The following EPS8L1 variants were observed in gnomAD, a reference collection of about 807,000 sequenced individuals.
EPS8L1 encodes epidermal growth factor receptor kinase substrate 8-like protein 1.
A neutral mutation model predicts 91.7 loss-of-function variants in EPS8L1; 101 were observed. The ratio of observed to expected loss-of-function variants is 1.10; its 90% CI spans 0.94 to 1.30. The LOEUF is 1.30. Among genes scored for constraint, EPS8L1 ranks in the 50% most tolerant of loss-of-function variants. The pLI is 0.00. For synonymous variants in EPS8L1, 506 were observed against 445.3 expected (o/e 1.14, Z -1.72); for missense variants, 1,114 against 1,017.0 (o/e 1.10, Z -1.30).
intron 5 of EPS8L1, 124 bp from the exon 6 acceptor site, chr19:55,080,005 G>A: frequency 1.4e-6 from 2 of 1,434,934 alleles, no homozygotes; most frequent in South Asian, 1.4e-5. Context: ...CTATTAAACA[G>A]GGCTGTTATC....
rs746621757 is a variant in EPS8L1 at position 55,085,794 on chromosome 19, A to G, written c.1386-47A>G. 36 of 1,587,634 alleles carry G rather than the reference A, an allele frequency of 2.3e-5. No individual in the cohort carries two copies. The South Asian group carries it at 3.1e-4, about 14-fold the overall frequency. ...CACCAGCACCCTGCAGCCCAGAGCA[A>G]TGGGGCTGGCTGCCTCCTTATCTCC... is the stretch of plus-strand genomic sequence containing the variant. On this transcript the variant is annotated intron_variant, in intron 14 of 19. Coordinates refer to ENST00000201647, the MANE Select transcript of EPS8L1 (RefSeq NM_133180.3).
intron 2 of EPS8L1, 120 bp downstream of exon 2, chr19:55,076,581 GC>G: frequency 2.5e-6 from 3 of 1,220,006 alleles, no homozygotes; most frequent in Non-Finnish European, 3.4e-6. Flanking sequence ...TCTGGCCCAA[GC>G]CCCGACACTC....
chr19:55,084,029 A>G (rs2076329961), intron 14 of EPS8L1: 1 of 459,822 alleles, frequency 2.2e-6, no homozygotes, highest in African/African-American at 2.0e-5. Flanking sequence ...AGAGCCCTGG[A>G]TATTGGAGGG....
Position 55,081,050 on chromosome 19 carries a change from G to C in EPS8L1, c.513-181G>C. The C allele has an allele frequency of 6.4e-6, 6 of 934,938 alleles. No individual in the cohort carries two copies. Among genetic ancestry groups the C allele is most frequent in the Non-Finnish European group, 9.3e-6 (6 of 642,690 alleles). 57.9% of individuals were successfully genotyped at this position (934,938 alleles called of 1,614,324 possible). On this transcript the variant is annotated intron_variant, in intron 7 of 19. Transcript: ENST00000201647. This position sits in a 1 kb window ranked among gnomAD's most constrained non-coding sequence, Gnocchi z 4.9. Reference sequence around the variant, plus strand: ...CTTCTTTTCTCTGTTCCCTGTCCAGGCCCTCAGTTTCACTCTAGAGAGGTG... The same window carrying C: ...CTTCTTTTCTCTGTTCCCTGTCCAGCCCCTCAGTTTCACTCTAGAGAGGTG...
At position 55,087,388 on chromosome 19, in the gene EPS8L1, G is replaced by C; in HGVS notation, c.2038G>C (p.Gly680Arg). Residue 680 changes from glycine to arginine, a missense_variant, in exon 19 of 20, where the codon GGG (glycine) becomes CGG (arginine). Transcript: ENST00000201647. ...EELRAVSPEEGARVYSQVTVQ... is the reference protein window; with the variant it reads ...EELRAVSPEERARVYSQVTVQ... ...GCTGCGGGCGGTGAGCCCCGAGGAGGGGGCACGTGTGTACAGCCAGGTCAC... is the reference window on the plus strand; with the variant it reads ...GCTGCGGGCGGTGAGCCCCGAGGAGCGGGCACGTGTGTACAGCCAGGTCAC... The C allele has an allele frequency of 6.2e-7, 1 of 1,613,542 alleles. No individual in the cohort carries two copies. Among genetic ancestry groups the C allele is most frequent in the Non-Finnish European group, 8.5e-7 (1 of 1,179,670 alleles).
Position 55,081,336 on chromosome 19 carries a change from C to A in EPS8L1, c.618C>A (p.Gly206=). Residue 206 remains glycine (G), a synonymous_variant, in exon 8 of 20, where the codon GGC becomes GGA. Coordinates refer to ENST00000201647, the MANE Select transcript of EPS8L1 (RefSeq NM_133180.3). The surrounding 1 kb of genome is among the most constrained non-coding windows in gnomAD (Gnocchi z 4.9). ...CAGTGATCAGCACCGTAGAGCGGGG[C>A]GCGGGCCGCGGACGACCCCAGGCGA... is the stretch of plus-strand genomic sequence containing the variant. ...VRAVISTVER[G]AGRGRPQAKP... is the part of the protein sequence containing the mutation. 3 of 1,556,842 alleles carry A rather than the reference C, an allele frequency of 1.9e-6. No homozygotes were observed. The highest frequency in any genetic ancestry group is 2.6e-6 in the Non-Finnish European group (3 of 1,156,318).
Position 55,082,189 on chromosome 19 carries a change from G to A in EPS8L1, c.990+9G>A, listed in dbSNP as rs775021379. 8.8e-6 allele frequency: 14 copies of A among 1,590,086 alleles called. No individual in the cohort carries two copies. Among genetic ancestry groups the A allele is most frequent in the East Asian group, 4.6e-5 (2 of 43,624 alleles). On this transcript the variant is annotated intron_variant, in intron 10 of 19. Coordinates refer to ENST00000201647, the MANE Select transcript of EPS8L1 (RefSeq NM_133180.3). ...ACGCCTTCAGCCTGCTGGTGAGGAC[G>A]CGCCCGCCCCTGGGCCGGGGCGCGG...
At chr19:55,086,024 G>C (rs748165328) in intron 15 of EPS8L1, 37 bp from the exon 16 acceptor site, 20 of 1,600,308 alleles carry the variant, frequency 1.2e-5, no homozygotes, top group East Asian at 1.1e-4. Flanking sequence ...CCTAGCTGCA[G>C]ACAGGCTCTG....
rs2076215938 is a variant in EPS8L1 at position 55,079,835 on chromosome 19, T to A, written c.263T>A (p.Leu88His). The A allele has an allele frequency of 6.2e-7, 1 of 1,613,094 alleles. No individual in the cohort carries two copies. Among genetic ancestry groups the A allele is most frequent in the Non-Finnish European group, 8.5e-7 (1 of 1,179,628 alleles). Reference protein sequence around the residue: ...LRVSPDHVTLLDPASKEELES... With the variant: ...LRVSPDHVTLHDPASKEELES... Reference sequence around the variant, plus strand: ...GTGTCTCCCGACCATGTCACGCTGCTCGACCCGGCCTCCAAGGTGCCGGGG... The same window carrying A: ...GTGTCTCCCGACCATGTCACGCTGCACGACCCGGCCTCCAAGGTGCCGGGG... The change falls in exon 5 of 20, where the codon CTC (leucine) becomes CAC (histidine). Residue 88 changes from leucine (L) to histidine (H), a missense_variant. Leu to His is a moderately conservative substitution (Grantham distance 99). Coordinates refer to ENST00000201647, the MANE Select transcript of EPS8L1 (RefSeq NM_133180.3).
At position 55,081,245 on chromosome 19, in the gene EPS8L1, A is replaced by T; in HGVS notation, c.527A>T (p.Glu176Val). Reference protein sequence around the residue: ...RAAALRATQEELQRDRSPAAE... With the variant: ...RAAALRATQEVLQRDRSPAAE... Reference sequence around the variant, plus strand: ...GCCCTCCGCAGGGCCACGCAGGAGGAGTTGCAGCGCGACCGCTCGCCCGCC... The same window carrying T: ...GCCCTCCGCAGGGCCACGCAGGAGGTGTTGCAGCGCGACCGCTCGCCCGCC... The change falls in exon 8 of 20, where the codon GAG becomes GTG. Residue 176 changes from glutamate (E) to valine (V), a missense_variant. Physicochemically the swap from Glu to Val is moderately radical, Grantham distance 121. Coordinates refer to ENST00000201647, the MANE Select transcript of EPS8L1 (RefSeq NM_133180.3). This position sits in a 1 kb window ranked among gnomAD's most constrained non-coding sequence, Gnocchi z 4.9. The T allele has an allele frequency of 6.6e-7, 1 of 1,516,846 alleles. No homozygotes were observed. The highest frequency in any genetic ancestry group is 8.7e-7 in the Non-Finnish European group (1 of 1,143,030). The allele number at this position is 1,516,846 out of a possible 1,614,324, so 94.0% of individuals were successfully genotyped here.
At chr19:55,086,941 G>C (rs1171703582) in intron 18 of EPS8L1, 53 bp downstream of exon 18, 2 of 1,402,524 alleles carry the variant, frequency 1.4e-6, no homozygotes, top group African/African-American at 3.0e-5. Context: ...GCTGGGAGCG[G>C]AGCGTTCCGA....
chr19:55,084,897 G>A (rs1025884209), intron 14 of EPS8L1, among the ~76,000 whole-genome samples: 1 of 152,164 alleles, frequency 6.6e-6, no homozygotes, highest in Non-Finnish European at 1.5e-5. Flanking sequence ...TTCAAGTCCA[G>A]CTGCCTGCAA....
intron 14 of EPS8L1, chr19:55,085,609 G>C (rs2076344696): frequency 2.4e-6 from 1 of 422,448 alleles, no homozygotes; most frequent in South Asian, 5.3e-5. Context: ...CTGTAAAATG[G>C]AATCGATGGT....
At chr19:55,077,368 A>C (rs2076151520) in intron 2 of EPS8L1, among the ~76,000 whole-genome samples, 8 of 152,166 alleles carry the variant, frequency 5.3e-5, no homozygotes, top group Admixed American at 4.6e-4. Flanking sequence ...TTGAGGCTTC[A>C]AAATACTTCA....
chr19:55,080,275 C>G lies in EPS8L1; in HGVS notation c.426C>G (p.Leu142=), dbSNP rs1181399709. 6 of 1,528,508 alleles carry G rather than the reference C, an allele frequency of 3.9e-6. No homozygotes were observed. Among genetic ancestry groups the G allele is most frequent in the Non-Finnish European group, 5.3e-6 (6 of 1,134,362 alleles). The allele number at this position is 1,528,508 out of a possible 1,614,324, so 94.7% of individuals were successfully genotyped here. The change falls in exon 6 of 20, where the codon CTC becomes CTG. Residue 142 remains leucine, a synonymous_variant. Coordinates refer to ENST00000201647, the MANE Select transcript of EPS8L1 (RefSeq NM_133180.3). ...PDVHFFQGLR[L]GAELIREDIQ... ...TGCACTTCTTCCAGGGCCTGCGCCT[C>G]GGGGTGAGCAGATGGGCTGGCTCTG...
intron 2 of EPS8L1, 103 bp from the exon 3 acceptor site, chr19:55,077,985 C>A: frequency 1.4e-6 from 1 of 692,594 alleles, no homozygotes; most frequent in Non-Finnish European, 2.4e-6. Context: ...CCTTCCATCG[C>A]TCCCCATTAC....
In EPS8L1 at chr19:55,079,803, G is replaced by T. The variant is rs2076214778; in HGVS notation, c.231G>T (p.Leu77=). The T allele has an allele frequency of 1.2e-6, 2 of 1,613,936 alleles. No individual in the cohort carries two copies. The highest frequency in any genetic ancestry group is 2.7e-5 in the African/African-American group (2 of 74,930). The part of the protein sequence containing the change: ...SQGRVWAQEM[L]LRVSPDHVTL... ...GCCGAGTCTGGGCACAGGAGATGCT[G>T]CTGCGAGTGTCTCCCGACCATGTCA... Residue 77 remains leucine, a synonymous_variant, in exon 5 of 20, where the codon CTG becomes CTT. Transcript: ENST00000201647.
In EPS8L1 at chr19:55,079,761, C is replaced by G; in HGVS notation, c.189C>G (p.Ala63=). The G allele has an allele frequency of 6.2e-7, 1 of 1,614,114 alleles. No homozygotes were observed. ...TGGAGGATGCCTCCAGGAAGTTGGC[C>G]GTCATGGATAGCCAGGGCCGAGTCT... ...HTVEDASRKL[A]VMDSQGRVWA... The change falls in exon 5 of 20, where the codon GCC becomes GCG. Residue 63 remains alanine, a synonymous_variant. Transcript: ENST00000201647.
Position 55,081,534 on chromosome 19 carries a change from C to A in EPS8L1, c.774+42C>A. ...GGGGTCTGGGGGCAGGGCCAGGCGA[C>A]TGGAGGCGGGGCTAGGGCGTGGAAG... On this transcript the variant is annotated intron_variant, in intron 8 of 19. Coordinates refer to ENST00000201647, the MANE Select transcript of EPS8L1 (RefSeq NM_133180.3). This position sits in a 1 kb window ranked among gnomAD's most constrained non-coding sequence, Gnocchi z 4.9. 1 of 1,511,402 alleles carries A rather than the reference C, an allele frequency of 6.6e-7. No individual in the cohort carries two copies. Among genetic ancestry groups the A allele is most frequent in the Non-Finnish European group, 8.8e-7 (1 of 1,132,336 alleles). The allele number at this position is 1,511,402 out of a possible 1,614,324, so 93.6% of individuals were successfully genotyped here.
Sources: gnomAD v4.1 joint callset for allele counts (sites outside exome capture counted in the v4.1 genomes callset) on GRCh38, gnomAD v4.1.1 for gene constraint, Gnocchi (gnomAD v3.1) non-coding constraint, MANE v1.5 for transcripts, NCBI Gene and HGNC (gene_info 2026-07-23, HGNC 2026-07-21) for gene names.